ITPR1: variants seen among roughly 807,000 people sequenced by gnomAD.
ITPR1 encodes the protein inositol 1,4,5-trisphosphate receptor type 1, also known as inositol 1,4,5-trisphosphate-gated calcium channel ITPR1.
ITPR1 carries 96 observed loss-of-function variants against 318.4 expected under a neutral mutation model. That is an observed-to-expected ratio of 0.30 (90% CI 0.26 to 0.36). The LOEUF (loss-of-function observed/expected upper bound fraction) is 0.36, where lower values mean the gene tolerates loss of function less well. Among genes scored for constraint, ITPR1 ranks in the 10% least tolerant of loss-of-function variants. The pLI is 1.00. For missense variants in ITPR1, 2,440 were observed against 3,460.2 expected, an observed-to-expected ratio of 0.71 and a Z score of 7.40; for synonymous variants, 1,312 against 1,289.9, an observed-to-expected ratio of 1.02 and a Z score of -0.37.
chr3:4,734,763 A>G (rs533890499), intron 43 of ITPR1, among the ~76,000 whole-genome samples: 7 of 152,262 alleles, frequency 4.6e-5, no homozygotes, highest in Non-Finnish European at 1.0e-4. Flanking sequence ...TAAAGTGATC[A>G]TTATAGGCTG....
chr3:4,636,113 C>CTG (rs2093181484), intron 5 of ITPR1, among the ~76,000 whole-genome samples: 1 of 152,050 alleles, frequency 6.6e-6, no homozygotes, highest in African/African-American at 2.4e-5. Context: ...GCCCAAAGTG[C>CTG]TGGGATTACA....
At chr3:4,747,775 A>G (rs1304507696) in intron 44 of ITPR1, among the ~76,000 whole-genome samples, 8 of 152,252 alleles carry the variant, frequency 5.3e-5, no homozygotes, top group Admixed American at 5.2e-4. Flanking sequence ...ACTGTCCTAC[A>G]GAACTTCCTC....
At chr3:4,551,382 G>T (rs573147687) in intron 4 of ITPR1, among the ~76,000 whole-genome samples, 2 of 152,202 alleles carry the variant, frequency 1.3e-5, no homozygotes, top group Non-Finnish European at 2.9e-5. Context: ...ATCATGAAGC[G>T]ATTCAGAAAT....
intron 60 of ITPR1, among the ~76,000 whole-genome samples, chr3:4,832,131 C>T (rs1169590724): frequency 6.6e-6 from 1 of 152,090 alleles, no homozygotes; most frequent in Non-Finnish European, 1.5e-5. Context: ...ATTTGGGGCT[C>T]TCCCCCACTT....
rs367817220 is a variant in ITPR1 at position 4,699,867 on chromosome 3, G to A, written c.4462G>A (p.Val1488Ile). Residue 1488 changes from valine to isoleucine, a missense_variant, in exon 35 of 62, where the codon GTC (valine) becomes ATC (isoleucine). Val to Ile is a conservative substitution (Grantham distance 29, BLOSUM62 3). Coordinates refer to ENST00000649015, the MANE Select transcript of ITPR1 (RefSeq NM_001378452.1). ...KHADSILEKY[V>I]TEIVMSIVTT... The stretch of plus-strand genomic sequence containing the variant: ...TGCAGACTCGATTTTGGAGAAGTAT[G>A]TCACCGAAATCGTCATGAGTATTGT... The A allele has an allele frequency of 3.1e-6, 5 of 1,613,466 alleles. No homozygotes were observed. The African/African-American group carries it at 5.3e-5, about 17-fold the overall frequency.
At position 4,563,619 on chromosome 3, in the gene ITPR1, A is replaced by G. The variant is rs148068262; in HGVS notation, c.163+42525A>G. Among the ~76,000 whole-genome samples, 492 of 152,332 alleles carry G rather than the reference A, an allele frequency of 3.2e-3. 1 individual carries two copies. The highest frequency in any genetic ancestry group is 5.6e-3 in the Non-Finnish European group (383 of 68,036). ...TTGGGTGATAAAAATTTGATTTCCT[A>G]CGAAATTGCAGAGTACGTGTTTCTG... On this transcript the variant is annotated intron_variant, in intron 4 of 61. Coordinates refer to ENST00000649015, the MANE Select transcript of ITPR1 (RefSeq NM_001378452.1).
intron 44 of ITPR1, chr3:4,735,669 A>C (rs983713713): frequency 6.6e-6 from 2 of 304,798 alleles, no homozygotes; most frequent in African/African-American, 4.3e-5. Flanking sequence ...AAATGATTGC[A>C]TGAAGTTTAT....
At position 4,683,649 on chromosome 3, in the gene ITPR1, C is replaced by G; in HGVS notation, c.3349C>G (p.Gln1117Glu). Residue 1117 changes from glutamine to glutamate, a missense_variant, in exon 28 of 62, where the codon CAA becomes GAA. Transcript: ENST00000649015. Reference sequence around the variant, plus strand: ...TAAGGTTCAACTGCTGGTTACCAGCCAAGATGTGGACAACTACAAACAGAT... The same window carrying G: ...TAAGGTTCAACTGCTGGTTACCAGCGAAGATGTGGACAACTACAAACAGAT... ...FKQVQLLVTS[Q>E]DVDNYKQIKQ... The G allele has an allele frequency of 6.2e-7, 1 of 1,614,040 alleles. No individual in the cohort carries two copies. The highest frequency in any genetic ancestry group is 8.5e-7 in the Non-Finnish European group (1 of 1,179,902).
intron 44 of ITPR1, chr3:4,750,518 G>A (rs1195398081): frequency 2.0e-5 from 3 of 152,162 alleles, no homozygotes; most frequent in Non-Finnish European, 4.4e-5. Flanking sequence ...GCAGACAAGA[G>A]TCGCTGAGAA....
intron 2 of ITPR1, among the ~76,000 whole-genome samples, chr3:4,495,896 GA>G (rs1300150899): frequency 1.3e-5 from 2 of 152,180 alleles, no homozygotes; most frequent in Non-Finnish European, 1.5e-5. Flanking sequence ...TGCTACTGAT[GA>G]AATAACTTGC....
intron 23 of ITPR1, among the ~76,000 whole-genome samples, chr3:4,675,663 A>T (rs1281794627): frequency 6.6e-6 from 1 of 152,132 alleles, no homozygotes; most frequent in African/African-American, 2.4e-5. Context: ...TTTGTTTAGG[A>T]TGTAAGAAAA....
At chr3:4,824,125 G>A (rs1033644911) in intron 60 of ITPR1, among the ~76,000 whole-genome samples, 11 of 152,260 alleles carry the variant, frequency 7.2e-5, no homozygotes, top group African/African-American at 2.4e-4. Flanking sequence ...GTGAAATATC[G>A]GGGGAGAACC....
chr3:4,676,179 CAA>C (rs5846331), intron 23 of ITPR1, among the ~76,000 whole-genome samples: 52 of 134,812 alleles, frequency 3.9e-4, no homozygotes, highest in Admixed American at 7.4e-4. Flanking sequence ...CTATCTCTAC[CAA>C]AAAAAAAAAA....
At chr3:4,773,138 C>A (rs1187397802) in intron 46 of ITPR1, among the ~76,000 whole-genome samples, 1 of 152,186 alleles carries the variant, frequency 6.6e-6, no homozygotes, top group Non-Finnish European at 1.5e-5. Context: ...CTGGAAGAGG[C>A]GACTTGCGAT....
At chr3:4,833,403 T>G (rs2106536944) in intron 60 of ITPR1, among the ~76,000 whole-genome samples, 1 of 152,376 alleles carries the variant, frequency 6.6e-6, no homozygotes, top group South Asian at 2.1e-4. Flanking sequence ...AATGTGTGTT[T>G]TCTATTTTTA....
chr3:4,823,089 G>A (rs1009258676), intron 60 of ITPR1, among the ~76,000 whole-genome samples: 6 of 152,178 alleles, frequency 3.9e-5, no homozygotes, highest in African/African-American at 1.4e-4. Flanking sequence ...ACTAAACTGA[G>A]AATCTGTGTT....
chr3:4,772,632 T>C (rs2046256100), intron 46 of ITPR1, among the ~76,000 whole-genome samples: 1 of 152,214 alleles, frequency 6.6e-6, no homozygotes, highest in South Asian at 2.1e-4. Flanking sequence ...AAGTCTTCCA[T>C]TTCCTTAACC....
At chr3:4,832,627 T>C (rs910700374) in intron 60 of ITPR1, among the ~76,000 whole-genome samples, 1 of 152,150 alleles carries the variant, frequency 6.6e-6, no homozygotes, top group Non-Finnish European at 1.5e-5. Context: ...ACACCAAGAC[T>C]CCGTCTCAAA....
At chr3:4,698,036 G>A (rs1388844415) in intron 34 of ITPR1, among the ~76,000 whole-genome samples, 1 of 152,114 alleles carries the variant, frequency 6.6e-6, no homozygotes, top group South Asian at 2.1e-4. Flanking sequence ...CTCAAGAGTG[G>A]CCTTAAGATA....
Sources: allele counts gnomAD v4.1 joint callset (sites outside exome capture counted in the v4.1 genomes callset), GRCh38; gene constraint gnomAD v4.1.1; transcripts MANE v1.5; gene names NCBI Gene and HGNC (gene_info 2026-07-23, HGNC 2026-07-21).